PARD3B: variants seen among roughly 807,000 people sequenced by gnomAD.
The protein encoded by PARD3B is par-3 family cell polarity regulator beta.
Under a neutral mutation model 130.2 loss-of-function variants are expected in PARD3B, and 103 were observed. The ratio of observed to expected loss-of-function variants is 0.79; its 90% CI spans 0.67 to 0.93. The LOEUF is 0.93. PARD3B is among the 40% of genes least tolerant of loss of function. The pLI is 0.00. For synonymous variants in PARD3B, 583 were observed against 553.2 expected, an observed-to-expected ratio of 1.05 and a Z score of -0.76; for missense variants, 1,609 against 1,499.2, an observed-to-expected ratio of 1.07 and a Z score of -1.21.
intron 4 of PARD3B, among the ~76,000 whole-genome samples, chr2:205,064,158 A>G (rs1053843679): frequency 6.6e-6 from 1 of 152,206 alleles, no homozygotes; most frequent in African/African-American, 2.4e-5. Context: ...GTGGCAAAAT[A>G]CAATTTAAAA....
At chr2:205,505,940 C>T (rs914665190) in intron 21 of PARD3B, among the ~76,000 whole-genome samples, 2 of 152,054 alleles carry the variant, frequency 1.3e-5, no homozygotes, top group African/African-American at 2.4e-5. Context: ...GGTTTGTAGA[C>T]ACATGGTTGG....
intron 16 of PARD3B, among the ~76,000 whole-genome samples, chr2:205,264,653 T>G (rs2040437208): frequency 6.6e-6 from 1 of 151,156 alleles, no homozygotes; most frequent in African/African-American, 2.4e-5. Flanking sequence ...TGCAATTATA[T>G]GCTTTCTTTA....
In PARD3B at chr2:205,351,961, A is replaced by G. The variant is rs576433559; in HGVS notation, c.2631-49052A>G. ...GTATTGCTGAGGAAACACAACCAAC[A>G]CCCACTGTTTCAAAGAAAACCATTC... On this transcript the variant is annotated intron_variant, in intron 18 of 22. Transcript: ENST00000406610. This position sits in a 1 kb window ranked among gnomAD's most constrained non-coding sequence, Gnocchi z 4.2. Among the ~76,000 whole-genome samples, 1 of 152,236 alleles carries G rather than the reference A, an allele frequency of 6.6e-6. No homozygotes were observed. The highest frequency in any genetic ancestry group is 2.1e-4 in the South Asian group (1 of 4,814).
rs1174514435 is a variant in PARD3B, at chr2:204,673,310, T to G, written c.121-12871T>G. 5.3e-5 allele frequency among the ~76,000 whole-genome samples: 8 copies of G among 152,208 alleles called. 1 individual carries two copies. The highest frequency in any genetic ancestry group is 3.9e-4 in the Admixed American group (6 of 15,286). The stretch of plus-strand genomic sequence containing the variant: ...AAGAAAAGGTACCTTTAAACATATT[T>G]AATGCTGATGTAAAAAGTAGTAGAA... On this transcript the variant is annotated intron_variant, in intron 1 of 22. Coordinates refer to ENST00000406610, the MANE Select transcript of PARD3B (RefSeq NM_001302769.2). The surrounding 1 kb of genome is among the most constrained non-coding windows in gnomAD (Gnocchi z 4.7).
chr2:204,551,646 T>C lies in PARD3B; in HGVS notation c.120+5527T>C, dbSNP rs990639428. ...TTGCTGAACCGGGTTTGGCTGGTTA[T>C]CTGAGCTGAGTTAATTGCCCTGTGC... On this transcript the variant is annotated intron_variant, in intron 1 of 22. Transcript: ENST00000406610. 2.0e-5 allele frequency among the ~76,000 whole-genome samples: 3 copies of C among 149,850 alleles called. No homozygotes were observed. In the East Asian group the frequency reaches 5.8e-4, roughly 29 times the overall value.
intron 2 of PARD3B, among the ~76,000 whole-genome samples, chr2:204,766,991 A>ATTTTTTTTTTT (rs141505640): frequency 1.0e-5 from 1 of 98,676 alleles, no homozygotes; most frequent in African/African-American, 3.7e-5. Flanking sequence ...CACATTTTTT[A>ATTTTTTTTTTT]TTTTATTTTT....
At chr2:205,048,654 C>A (rs975269807) in intron 4 of PARD3B, 1 of 152,096 alleles carries the variant, frequency 6.6e-6, no homozygotes, top group African/African-American at 2.4e-5. Context: ...ATGAGTTAAA[C>A]AGGTTTTTCT....
At chr2:204,611,976 G>C (rs2033946221) in intron 1 of PARD3B, among the ~76,000 whole-genome samples, 1 of 152,124 alleles carries the variant, frequency 6.6e-6, no homozygotes, top group Non-Finnish European at 1.5e-5. Flanking sequence ...GATCATTTCA[G>C]GAGTTAGACA....
chr2:205,299,070 C>G (rs2041894715), intron 16 of PARD3B, among the ~76,000 whole-genome samples: 1 of 152,152 alleles, frequency 6.6e-6, no homozygotes. Flanking sequence ...AGACTAAGCA[C>G]TCCATGCATT....
chr2:205,605,796 G>A (rs1223041682), intron 22 of PARD3B, among the ~76,000 whole-genome samples: 1 of 152,004 alleles, frequency 6.6e-6, no homozygotes, highest in Non-Finnish European at 1.5e-5. Flanking sequence ...GCTGCACTGG[G>A]AGGAATCCCA....
chr2:204,836,382 G>T (rs1270985433), intron 2 of PARD3B, among the ~76,000 whole-genome samples: 1 of 152,110 alleles, frequency 6.6e-6, no homozygotes, highest in Non-Finnish European at 1.5e-5. Context: ...CTTTAAATTG[G>T]CTGGGCATGG....
At chr2:204,996,665 C>A (rs1253367898) in intron 3 of PARD3B, among the ~76,000 whole-genome samples, 1 of 149,752 alleles carries the variant, frequency 6.7e-6, no homozygotes, top group Non-Finnish European at 1.5e-5. Context: ...CAATGGCGGG[C>A]GCCCCTCCCC....
chr2:205,144,895 G>A (rs2033236964), intron 10 of PARD3B, among the ~76,000 whole-genome samples: 1 of 152,166 alleles, frequency 6.6e-6, no homozygotes. Context: ...GATTTTCTTA[G>A]AAGCTTTAAC....
At chr2:205,218,229 ATTC>A (rs1467546479) in intron 15 of PARD3B, among the ~76,000 whole-genome samples, 1 of 151,970 alleles carries the variant, frequency 6.6e-6, no homozygotes, top group Non-Finnish European at 1.5e-5. Flanking sequence ...TGTTGAAGCA[ATTC>A]TTCTGATCGA....
At chr2:205,264,095 A>G (rs1186812003) in intron 16 of PARD3B, among the ~76,000 whole-genome samples, 1 of 151,036 alleles carries the variant, frequency 6.6e-6, no homozygotes, top group Non-Finnish European at 1.5e-5. Flanking sequence ...GAAGATCAGA[A>G]GAAAGGTAGT....
intron 2 of PARD3B, among the ~76,000 whole-genome samples, chr2:204,896,893 A>G (rs982745036): frequency 2.6e-5 from 4 of 152,210 alleles, no homozygotes; most frequent in African/African-American, 4.8e-5. Context: ...AAAAGTAAAA[A>G]TTGCCTGGTA....
At chr2:205,363,402 T>A (rs988618961) in intron 18 of PARD3B, among the ~76,000 whole-genome samples, 1 of 152,106 alleles carries the variant, frequency 6.6e-6, no homozygotes, top group African/African-American at 2.4e-5. Flanking sequence ...TGCACTAGGA[T>A]CTACCAAATA....
intron 2 of PARD3B, among the ~76,000 whole-genome samples, chr2:204,924,306 A>G (rs1687417533): frequency 6.6e-6 from 1 of 152,124 alleles, no homozygotes; most frequent in Non-Finnish European, 1.5e-5. Context: ...GAATGTTAAG[A>G]GAATGAAATC....
At chr2:205,533,835 C>T (rs1254762654) in intron 21 of PARD3B, among the ~76,000 whole-genome samples, 1 of 152,126 alleles carries the variant, frequency 6.6e-6, no homozygotes, top group African/African-American at 2.4e-5. Context: ...TCAAGCAATC[C>T]TTCCACCTCG....
Sources: gnomAD v4.1 joint callset for allele counts (sites outside exome capture counted in the v4.1 genomes callset) on GRCh38, gnomAD v4.1.1 for gene constraint, Gnocchi (gnomAD v3.1) non-coding constraint, MANE v1.5 for transcripts, NCBI Gene and HGNC (gene_info 2026-07-23, HGNC 2026-07-21) for gene names.